Variants in CHD9 observed in about 807,000 individuals in gnomAD.
The protein encoded by CHD9 is chromodomain helicase DNA binding protein 9, also known as ATP-dependent chromatin remodeler CHD9.
Under a neutral mutation model 316.1 loss-of-function variants are expected in CHD9, and 77 were observed. That is an observed-to-expected ratio of 0.24 (90% CI 0.20 to 0.29). CHD9 has a LOEUF of 0.29. CHD9 is among the 10% of genes least tolerant of loss of function. CHD9 has a pLI of 1.00. For missense variants in CHD9, 2,763 were observed against 3,438.1 expected, an observed-to-expected ratio of 0.80 and a Z score of 4.91; for synonymous variants, 1,129 against 1,158.3, an observed-to-expected ratio of 0.97 and a Z score of 0.51.
chr16:53,233,577 T>C (rs1265753656), intron 10 of CHD9, among the ~76,000 whole-genome samples: 1 of 152,114 alleles, frequency 6.6e-6, no homozygotes, highest in Non-Finnish European at 1.5e-5. Flanking sequence ...TGGCCATTGG[T>C]GATCAACTTG....
chr16:53,324,289 C>T lies in CHD9; in HGVS notation c.8088C>T (p.Thr2696=), dbSNP rs746058405. The T allele has an allele frequency of 3.2e-5, 52 of 1,613,800 alleles. No individual in the cohort carries two copies. In the South Asian group the frequency reaches 3.3e-4, roughly 10 times the overall value. The part of the protein sequence containing the change: ...QVTAGLMGMP[T]GLPSGGEAKN... ...CTGCTGGGTTGATGGGAATGCCTACCGGCCTTCCTTCTGGAGGAGAAGCTA... is the reference window on the plus strand; with the variant it reads ...CTGCTGGGTTGATGGGAATGCCTACTGGCCTTCCTTCTGGAGGAGAAGCTA... The change falls in exon 39 of 39, where the codon ACC becomes ACT. Residue 2696 remains threonine, a synonymous_variant. Transcript: ENST00000447540.
chr16:53,291,666 T>C (rs1246566241), intron 27 of CHD9, 59 bp from the exon 28 acceptor site: 1 of 1,163,406 alleles, frequency 8.6e-7, no homozygotes, highest in South Asian at 1.5e-5. Context: ...TCTCTTTTCT[T>C]TTTTTATATA....
chr16:53,292,629 C>A (rs2054438141), intron 28 of CHD9, among the ~76,000 whole-genome samples: 1 of 152,168 alleles, frequency 6.6e-6, no homozygotes, highest in African/African-American at 2.4e-5. Flanking sequence ...CTTTATTCCA[C>A]TGTATTGTAC....
At chr16:53,194,683 G>A (rs1021947412) in intron 2 of CHD9, among the ~76,000 whole-genome samples, 2 of 152,188 alleles carry the variant, frequency 1.3e-5, no homozygotes, top group Admixed American at 6.5e-5. Context: ...TTTAAACATT[G>A]TATTTCAGTT....
intron 1 of CHD9, among the ~76,000 whole-genome samples, chr16:53,078,095 AAT>A (rs893299338): frequency 6.6e-6 from 1 of 152,120 alleles, no homozygotes; most frequent in African/African-American, 2.4e-5. Context: ...AAGAGAAAAA[AAT>A]ATATATATAC....
intron 1 of CHD9, among the ~76,000 whole-genome samples, chr16:53,138,161 C>T (rs1195104905): frequency 6.6e-6 from 1 of 152,120 alleles, no homozygotes; most frequent in Non-Finnish European, 1.5e-5. Flanking sequence ...CTATTACTTT[C>T]TTAGTATACC....
rs1029607360 is a variant in CHD9, at chr16:53,227,452, C to A, written c.2100C>A (p.Thr700=). ...TAGACAAAATTCTATCTTCTAGAAC[C>A]GTAAAAAAGGAAGTAAGTACTGGTA... ...AIVDKILSSR[T]VKKEISPGVM... Residue 700 remains threonine (T), a synonymous_variant, in exon 6 of 39, where the codon ACC becomes ACA. Coordinates refer to ENST00000447540, the MANE Select transcript of CHD9 (RefSeq NM_001308319.2). 7.1e-6 allele frequency: 11 copies of A among 1,560,124 alleles called. No individual in the cohort carries two copies. The East Asian group carries it at 2.3e-4, about 33-fold the overall frequency.
intron 1 of CHD9, among the ~76,000 whole-genome samples, chr16:53,125,122 T>C (rs996350925): frequency 4.6e-4 from 70 of 152,334 alleles, no homozygotes; most frequent in Non-Finnish European, 1.3e-4. Context: ...ATTATTTATG[T>C]CTTTGTTGTT....
At chr16:53,073,245 G>A (rs990183873) in intron 1 of CHD9, among the ~76,000 whole-genome samples, 3 of 152,168 alleles carry the variant, frequency 2.0e-5, no homozygotes, top group Admixed American at 1.3e-4. Context: ...TTTGTTTTTG[G>A]TGACTGGCTA....
chr16:53,162,659 A>T (rs1478458740), intron 2 of CHD9, among the ~76,000 whole-genome samples: 1 of 152,110 alleles, frequency 6.6e-6, no homozygotes, highest in Admixed American at 6.6e-5. Flanking sequence ...TTGTATTTTG[A>T]TAGATTTTGT....
chr16:53,319,873 C>T (rs1398962468), intron 37 of CHD9: 1 of 1,200,906 alleles, frequency 8.3e-7, no homozygotes, highest in Non-Finnish European at 1.1e-6. Flanking sequence ...CATAAACCCC[C>T]AAGAGGGCCT....
At chr16:53,085,771 C>T (rs1245825343) in intron 1 of CHD9, among the ~76,000 whole-genome samples, 4 of 152,118 alleles carry the variant, frequency 2.6e-5, no homozygotes, top group African/African-American at 4.8e-5. Flanking sequence ...GGCCTCCTGC[C>T]GGGTAAATAT....
chr16:53,304,130 C>T lies in CHD9; in HGVS notation c.6124C>T (p.Leu2042=). 1 of 1,613,406 alleles carries T rather than the reference C, an allele frequency of 6.2e-7. No homozygotes were observed. The highest frequency in any genetic ancestry group is 8.5e-7 in the Non-Finnish European group (1 of 1,179,760). The change falls in exon 31 of 39, where the codon CTA becomes TTA. Residue 2042 remains leucine (L), a synonymous_variant. Coordinates refer to ENST00000447540, the MANE Select transcript of CHD9 (RefSeq NM_001308319.2). ...PRLLDAKGII[L]EEMKVKSENL... is the part of the protein sequence containing the mutation. ...GCTCCTAGATGCTAAAGGTATTATT[C>T]TAGAGGAGATGAAAGTTAAAAGTGA... is the stretch of plus-strand genomic sequence containing the variant.
intron 24 of CHD9, among the ~76,000 whole-genome samples, chr16:53,285,314 A>C (rs2053774204): frequency 6.6e-6 from 1 of 152,228 alleles, no homozygotes; most frequent in Non-Finnish European, 1.5e-5. Context: ...TCTCTAAATA[A>C]AGAAAATCAG....
Position 53,093,733 on chromosome 16 carries a change from G to A in CHD9, c.-165+38656G>A, listed in dbSNP as rs148445292. ...AGAAAGCTGAGGCTTAGAGAATTAA[G>A]CTAACAGAGATAGCTAGAAAGTGGC... On this transcript the variant is annotated intron_variant, in intron 1 of 38. Transcript: ENST00000447540. Among the ~76,000 whole-genome samples the A allele has an allele frequency of 1.7e-3, 261 of 152,330 alleles. 2 individuals carry two copies. Among genetic ancestry groups the A allele is most frequent in the Non-Finnish European group, 3.0e-3 (202 of 68,034 alleles).
rs1282624876 is a variant in CHD9 at position 53,274,224 on chromosome 16, G to A, written c.4889G>A (p.Arg1630His). Residue 1630 changes from arginine (R) to histidine (H), a missense_variant, in exon 24 of 39, where the codon CGT (arginine) becomes CAT (histidine). This residue lies in a region of CHD9 where 7 missense variants were observed against 26.4 expected (regional missense o/e 0.27). Transcript: ENST00000447540. ...TCCCTTGTTTTTAGGGTTTTGCTTC[G>A]TGTGAGAATGCTGTATTATCTAAAG... The part of the protein sequence containing the change: ...IKHHCNKVLL[R>H]VRMLYYLKQE... The A allele has an allele frequency of 3.1e-6, 5 of 1,601,208 alleles. No homozygotes were observed. The highest frequency in any genetic ancestry group is 1.7e-5 in the Admixed American group (1 of 59,298).
rs2041547006 is a variant in CHD9 at position 53,156,734 on chromosome 16, G to A, written c.645G>A (p.Gln215=). The change falls in exon 2 of 39, where the codon CAG becomes CAA. Residue 215 remains glutamine (Q), a synonymous_variant. Transcript: ENST00000447540. ...GAGTCAATGTTAACCACCCACCACA[G>A]ATGACTAATGCATCTAATTCACAAC... ...PHRVNVNHPP[Q]MTNASNSQQS... 2 of 1,613,846 alleles carry A rather than the reference G, an allele frequency of 1.2e-6. No individual in the cohort carries two copies. Among genetic ancestry groups the A allele is most frequent in the Non-Finnish European group, 1.7e-6 (2 of 1,179,802 alleles).
chr16:53,303,320 A>G (rs891285940), intron 30 of CHD9, among the ~76,000 whole-genome samples: 2 of 152,142 alleles, frequency 1.3e-5, no homozygotes, highest in Middle Eastern at 3.4e-3. Flanking sequence ...GAACACTTCT[A>G]ATTTATAAGT....
intron 1 of CHD9, among the ~76,000 whole-genome samples, chr16:53,106,901 T>C (rs1165154365): frequency 6.6e-6 from 1 of 152,216 alleles, no homozygotes; most frequent in Non-Finnish European, 1.5e-5. Context: ...TCCAGGGCAC[T>C]GGTTGACCAA....
Sources: allele counts gnomAD v4.1 joint callset (sites outside exome capture counted in the v4.1 genomes callset), GRCh38; gene constraint gnomAD v4.1.1; regional missense constraint gnomAD v4.1.1; transcripts MANE v1.5; gene names NCBI Gene and HGNC (gene_info 2026-07-23, HGNC 2026-07-21).